Variants in ADGRD1 observed in about 807,000 individuals in gnomAD.
ADGRD1 encodes the protein G-protein coupled receptor 133.
Under a neutral mutation model 113.4 loss-of-function variants are expected in ADGRD1, and 77 were observed. That is an observed-to-expected ratio of 0.68 (90% CI 0.57 to 0.82). The LOEUF (loss-of-function observed/expected upper bound fraction) is 0.82, where lower values mean the gene tolerates loss of function less well. Ranked by LOEUF, ADGRD1 falls within the 40% of genes least tolerant of loss-of-function variation. The pLI is 0.00. For missense variants in ADGRD1, 1,036 were observed against 1,139.1 expected, an observed-to-expected ratio of 0.91 and a Z score of 1.30; for synonymous variants, 474 against 475.0, an observed-to-expected ratio of 1.00 and a Z score of 0.03.
intron 13 of ADGRD1, among the ~76,000 whole-genome samples, chr12:131,044,053 G>C (rs530985964): frequency 6.6e-6 from 1 of 152,190 alleles, no homozygotes; most frequent in Non-Finnish European, 1.5e-5. Flanking sequence ...GCCTCACACC[G>C]TGTAGGAACT....
chr12:130,997,822 A>G (rs1875793862), intron 8 of ADGRD1, among the ~76,000 whole-genome samples: 1 of 152,160 alleles, frequency 6.6e-6, no homozygotes, highest in African/African-American at 2.4e-5. Flanking sequence ...CAGAGGCTGC[A>G]ATCTCGGCAC....
At chr12:131,087,871 G>T (rs1336904377) in intron 15 of ADGRD1, among the ~76,000 whole-genome samples, 3 of 152,218 alleles carry the variant, frequency 2.0e-5, no homozygotes, top group Non-Finnish European at 2.9e-5. Context: ...CAGAGTAAAT[G>T]AAACCACACC....
intron 13 of ADGRD1, among the ~76,000 whole-genome samples, chr12:131,053,420 ATGTGTAT>A (rs1883578916): frequency 6.6e-6 from 1 of 152,232 alleles, no homozygotes; most frequent in African/African-American, 2.4e-5. Flanking sequence ...AATCAGGAAA[ATGTGTAT>A]CTTTTAAGTA....
In ADGRD1 at chr12:130,992,240, C is replaced by G. The variant is rs750096003; in HGVS notation, c.814C>G (p.Pro272Ala). ...FMTSTASPVMPTDAYHPIITN... is the reference protein window; with the variant it reads ...FMTSTASPVMATDAYHPIITN... The stretch of plus-strand genomic sequence containing the variant: ...TCATGTTGCCAATTTCTTTCAGATG[C>G]CCACAGATGCCTACCATCCCATCAT... The change falls in exon 8 of 25, where the codon CCC becomes GCC. Residue 272 changes from proline (P) to alanine (A), a missense_variant. By Grantham distance (27) the Pro-to-Ala change is conservative. Transcript: ENST00000261654. 6.2e-7 allele frequency: 1 copy of G among 1,604,270 alleles called. No homozygotes were observed. The highest frequency in any genetic ancestry group is 1.1e-5 in the South Asian group (1 of 88,644).
chr12:131,060,110 C>T lies in ADGRD1; in HGVS notation c.1474-16691C>T, dbSNP rs1884191778. Among the ~76,000 whole-genome samples the T allele has an allele frequency of 6.6e-6, 1 of 152,270 alleles. No homozygotes were observed. The highest frequency in any genetic ancestry group is 2.4e-5 in the African/African-American group (1 of 41,476). ...TGCCTGCTCTGTGTCCCTTGGAGTC[C>T]TGGTGAGGGCTGGGTGCCGCATGGC... On this transcript the variant is annotated intron_variant, in intron 13 of 24. Coordinates refer to ENST00000261654, the MANE Select transcript of ADGRD1 (RefSeq NM_198827.5). This position sits in a 1 kb window ranked among gnomAD's most constrained non-coding sequence, Gnocchi z 4.4.
chr12:131,046,857 TGGTCAGTGTCCTCC>T (rs1882880431), intron 13 of ADGRD1, among the ~76,000 whole-genome samples: 3 of 141,682 alleles, frequency 2.1e-5, no homozygotes, highest in Non-Finnish European at 3.0e-5. Flanking sequence ...GTGTCCTCCC[TGGTCAGTGTCCTCC>T]CTGGTCAGTG....
rs1877945693 is a variant in ADGRD1 at position 131,011,865 on chromosome 12, G to A, written c.1332-2334G>A. On this transcript the variant is annotated intron_variant, in intron 12 of 24. Transcript: ENST00000261654. Reference sequence around the variant, plus strand: ...TGAGAACCAGGCTCCTGGCTGAAGCGAACACACCACACGTCTTAGGGCCTT... The same window carrying A: ...TGAGAACCAGGCTCCTGGCTGAAGCAAACACACCACACGTCTTAGGGCCTT... Among the ~76,000 whole-genome samples, 4 of 152,330 alleles carry A rather than the reference G, an allele frequency of 2.6e-5. No homozygotes were observed. In the South Asian group the frequency reaches 8.3e-4, roughly 32 times the overall value.
At chr12:130,969,222 T>G in intron 3 of ADGRD1, 1 of 613,336 alleles carries the variant, frequency 1.6e-6, no homozygotes, top group Non-Finnish European at 2.9e-6. Flanking sequence ...ATCCAAGGTG[T>G]TAAAAAATAA....
intron 7 of ADGRD1, 49 bp downstream of exon 7, chr12:130,991,127 T>G (rs1874328313): frequency 6.7e-7 from 1 of 1,491,874 alleles, no homozygotes; most frequent in East Asian, 2.3e-5. Context: ...TTCTTCTGCT[T>G]GGGCTGTTTG....
At chr12:131,101,656 T>A (rs1385871492) in intron 15 of ADGRD1, among the ~76,000 whole-genome samples, 1 of 152,122 alleles carries the variant, frequency 6.6e-6, no homozygotes, top group African/African-American at 2.4e-5. Flanking sequence ...CCAGAGTGAT[T>A]ACAGGCGTGA....
At chr12:130,964,853 G>A (rs1372095765) in intron 2 of ADGRD1, among the ~76,000 whole-genome samples, 1 of 152,094 alleles carries the variant, frequency 6.6e-6, no homozygotes, top group African/African-American at 2.4e-5. Context: ...CATTGAGTGT[G>A]AATCTCCTCT....
At chr12:131,114,419 C>T (rs895248049) in intron 18 of ADGRD1, among the ~76,000 whole-genome samples, 2 of 152,152 alleles carry the variant, frequency 1.3e-5, no homozygotes, top group Non-Finnish European at 2.9e-5. Context: ...ACAGCTCTTG[C>T]AAATGGAGCG....
chr12:131,023,086 G>A (rs1300403051), intron 13 of ADGRD1: 1 of 152,092 alleles, frequency 6.6e-6, no homozygotes, highest in Non-Finnish European at 1.5e-5. Context: ...GCACACACAG[G>A]TTCAGAATTG....
intron 18 of ADGRD1, among the ~76,000 whole-genome samples, chr12:131,110,618 A>T (rs1214461997): frequency 6.6e-6 from 1 of 152,188 alleles, no homozygotes; most frequent in Non-Finnish European, 1.5e-5. Flanking sequence ...GAGCAAGTAC[A>T]TATTTATAGA....
intron 20 of ADGRD1, among the ~76,000 whole-genome samples, chr12:131,121,353 C>G (rs986716908): frequency 1.3e-5 from 2 of 152,332 alleles, no homozygotes; most frequent in Middle Eastern, 3.4e-3. Flanking sequence ...TTGCAAGTGA[C>G]AGAAAACCCA....
chr12:131,106,216 A>G (rs904294360), intron 17 of ADGRD1, among the ~76,000 whole-genome samples: 3 of 152,210 alleles, frequency 2.0e-5, no homozygotes, highest in Non-Finnish European at 4.4e-5. Context: ...CACAGGGCTC[A>G]CAGTCCTTGG....
At chr12:131,112,355 T>C (rs982776760) in intron 18 of ADGRD1, among the ~76,000 whole-genome samples, 8 of 152,226 alleles carry the variant, frequency 5.3e-5, no homozygotes, top group Non-Finnish European at 1.2e-4. Context: ...TTCCCAACAA[T>C]AGCTTGGGGC....
rs1337168788 is a variant in ADGRD1, at chr12:130,965,523, AAT to A, written c.104-939_104-938del. On this transcript the variant is annotated intron_variant, in intron 2 of 24. Transcript: ENST00000261654. This position sits in a 1 kb window ranked among gnomAD's most constrained non-coding sequence, Gnocchi z 4.8. The stretch of plus-strand genomic sequence containing the variant: ...TTCTGTGAATGAATCCCAGAGGACT[AAT>A]CCCCGAGAAGACTAAAATTGTATGC... Among the ~76,000 whole-genome samples the A allele has an allele frequency of 1.3e-5, 2 of 152,190 alleles. No homozygotes were observed. The highest frequency in any genetic ancestry group is 2.4e-5 in the African/African-American group (1 of 41,434).
intron 20 of ADGRD1, among the ~76,000 whole-genome samples, chr12:131,131,132 G>C (rs975695437): frequency 6.6e-6 from 1 of 152,158 alleles, no homozygotes; most frequent in African/African-American, 2.4e-5. Context: ...AGGTTGTGCT[G>C]AAGCCTCTGC....
Sources: allele counts gnomAD v4.1 joint callset (sites outside exome capture counted in the v4.1 genomes callset), GRCh38; gene constraint gnomAD v4.1.1; non-coding constraint Gnocchi (gnomAD v3.1); transcripts MANE v1.5; gene names NCBI Gene and HGNC (gene_info 2026-07-23, HGNC 2026-07-21).